SMYD3: variants seen among roughly 807,000 people sequenced by gnomAD.
SMYD3 encodes the protein SET and MYND domain containing 3, also known as histone-lysine N-methyltransferase SMYD3.
A neutral mutation model predicts 57.7 loss-of-function variants in SMYD3; 36 were observed. The observed-to-expected ratio is 0.62, with a 90% CI of 0.48 to 0.82. SMYD3 has a LOEUF of 0.82. Ranked by LOEUF, SMYD3 falls within the 40% of genes least tolerant of loss-of-function variation. The pLI is 0.00. For missense variants in SMYD3, 515 were observed against 538.8 expected, an observed-to-expected ratio of 0.96 and a Z score of 0.44; for synonymous variants, 211 against 195.0, an observed-to-expected ratio of 1.08 and a Z score of -0.68.
intron 1 of SMYD3, among the ~76,000 whole-genome samples, chr1:246,413,439 T>C (rs548115616): frequency 1.2e-3 from 181 of 152,212 alleles, no homozygotes; most frequent in Non-Finnish European, 2.2e-3. Context: ...AACAGCGCTA[T>C]TCCCAACAGA....
chr1:246,136,448 G>A (rs919162313), intron 5 of SMYD3, among the ~76,000 whole-genome samples: 3 of 152,126 alleles, frequency 2.0e-5, no homozygotes, highest in Admixed American at 6.5e-5. Flanking sequence ...ACCTTCTTTT[G>A]TTATGTACTG....
intron 7 of SMYD3, among the ~76,000 whole-genome samples, chr1:245,916,579 C>T (rs1036640325): frequency 1.3e-5 from 2 of 152,184 alleles, no homozygotes; most frequent in Non-Finnish European, 2.9e-5. Flanking sequence ...TTCCTTTACA[C>T]TTGCCATCCA....
chr1:246,125,245 C>A (rs2061493189), intron 5 of SMYD3, among the ~76,000 whole-genome samples: 1 of 152,178 alleles, frequency 6.6e-6, no homozygotes, highest in Non-Finnish European at 1.5e-5. Context: ...GAATCTGCAT[C>A]CCATACCCTT....
At chr1:246,482,488 C>T (rs1374844107) in intron 1 of SMYD3, among the ~76,000 whole-genome samples, 2 of 152,094 alleles carry the variant, frequency 1.3e-5, no homozygotes, top group African/African-American at 4.8e-5. Flanking sequence ...TTGACGAAAG[C>T]CACTCTGTCG....
Position 245,895,687 on chromosome 1 carries a change from C to G in SMYD3, c.813+19843G>C, listed in dbSNP as rs371340452. ...TGTTTCTTCCTTTCACTCAAACCTG[C>G]CTCTGTTCCCCGGTTTTCACGGTTT... On this transcript the variant is annotated intron_variant, in intron 8 of 11. Coordinates refer to ENST00000490107, the MANE Select transcript of SMYD3 (RefSeq NM_001167740.2). 7.2e-5 allele frequency among the ~76,000 whole-genome samples: 11 copies of G among 152,350 alleles called. No homozygotes were observed. The East Asian group carries it at 1.4e-3, about 19-fold the overall frequency.
intron 5 of SMYD3, among the ~76,000 whole-genome samples, chr1:246,234,961 G>GGA (rs142115244): frequency 0.041 from 6,203 of 152,242 alleles, 183 homozygotes; most frequent in Middle Eastern, 0.071. Flanking sequence ...AGAGAAAGCA[G>GGA]GAGTAGGTGT....
intron 10 of SMYD3, among the ~76,000 whole-genome samples, chr1:245,794,852 G>T (rs1407430979): frequency 6.6e-6 from 1 of 151,528 alleles, no homozygotes; most frequent in Non-Finnish European, 1.5e-5. Context: ...TCCTGTTCTT[G>T]TTTCACATAT....
intron 5 of SMYD3, chr1:245,930,221 T>G: frequency 2.1e-6 from 1 of 474,194 alleles, no homozygotes; most frequent in South Asian, 1.8e-5. Context: ...AGTCTCATTA[T>G]CCACTACCCC....
At chr1:245,970,391 A>C (rs1485066679) in intron 5 of SMYD3, among the ~76,000 whole-genome samples, 1 of 152,238 alleles carries the variant, frequency 6.6e-6, no homozygotes. Context: ...CATTCAGGAC[A>C]TAGGCATGGG....
At chr1:246,387,536 T>C (rs141919142) in intron 1 of SMYD3, among the ~76,000 whole-genome samples, 14 of 152,208 alleles carry the variant, frequency 9.2e-5, no homozygotes, top group Non-Finnish European at 2.1e-4. Context: ...TAAAAGTACC[T>C]GGCTTCCTGG....
At chr1:246,122,535 T>C (rs1259135471) in intron 5 of SMYD3, among the ~76,000 whole-genome samples, 1 of 152,246 alleles carries the variant, frequency 6.6e-6, no homozygotes, top group Non-Finnish European at 1.5e-5. Context: ...ACATCTGTCA[T>C]GTATTTCAAA....
chr1:246,184,123 G>C (rs989522755), intron 5 of SMYD3, among the ~76,000 whole-genome samples: 2 of 152,146 alleles, frequency 1.3e-5, no homozygotes, highest in African/African-American at 4.8e-5. Flanking sequence ...GTATTCCCAT[G>C]AGCACCAAAG....
intron 8 of SMYD3, among the ~76,000 whole-genome samples, chr1:245,897,554 C>T (rs114992531): frequency 0.021 from 3,198 of 152,246 alleles, 131 homozygotes; most frequent in African/African-American, 0.073. Context: ...GAGATATGAT[C>T]TTAGATTACC....
chr1:246,319,695 A>G (rs1254377305), intron 5 of SMYD3, among the ~76,000 whole-genome samples: 3 of 152,208 alleles, frequency 2.0e-5, no homozygotes, highest in Admixed American at 1.3e-4. Context: ...CAACAGAGGT[A>G]ATACTCTTCC....
At chr1:245,863,187 C>T (rs551513937) in intron 9 of SMYD3, among the ~76,000 whole-genome samples, 2 of 152,294 alleles carry the variant, frequency 1.3e-5, no homozygotes, top group African/African-American at 4.8e-5. Flanking sequence ...CAGGAGCGGC[C>T]TCCTTCTCAG....
chr1:246,311,665 GCA>G (rs1409150621), intron 5 of SMYD3, among the ~76,000 whole-genome samples: 3 of 152,062 alleles, frequency 2.0e-5, no homozygotes, highest in African/African-American at 7.2e-5. Context: ...GCGCACGCGC[GCA>G]CACACACGCA....
At chr1:246,155,965 T>A (rs1232128782) in intron 5 of SMYD3, among the ~76,000 whole-genome samples, 2 of 151,656 alleles carry the variant, frequency 1.3e-5, no homozygotes, top group African/African-American at 4.9e-5. Flanking sequence ...CCAGCCTGGG[T>A]GACAGAGCGA....
intron 5 of SMYD3, among the ~76,000 whole-genome samples, chr1:246,023,807 C>CTGTGTG (rs201726897): frequency 0.16 from 21,686 of 139,448 alleles, 1,873 homozygotes; most frequent in East Asian, 0.39. Context: ...TATTACAAAA[C>CTGTGTG]TGTGTGTGTG....
At chr1:246,329,970 C>T (rs1477060841) in intron 4 of SMYD3, among the ~76,000 whole-genome samples, 2 of 152,180 alleles carry the variant, frequency 1.3e-5, no homozygotes, top group African/African-American at 2.4e-5. Context: ...ATATGGGAAG[C>T]TTTTTAAGTC....
Sources: allele counts gnomAD v4.1 joint callset (sites outside exome capture counted in the v4.1 genomes callset), GRCh38; gene constraint gnomAD v4.1.1; transcripts MANE v1.5; gene names NCBI Gene and HGNC (gene_info 2026-07-23, HGNC 2026-07-21).